NBPF20: variants seen among roughly 807,000 people sequenced by gnomAD.
NBPF20 encodes the protein NBPF family member NBPF20.
A neutral mutation model predicts 68.1 loss-of-function variants in NBPF20; 90 were observed. The ratio of observed to expected loss-of-function variants is 1.32; its 90% CI spans 1.11 to 1.58. NBPF20 has a LOEUF of 1.58. Among genes scored for constraint, NBPF20 ranks in the 40% most tolerant of loss-of-function variants. NBPF20 has a pLI of 0.00. For synonymous variants in NBPF20, 290 were observed against 228.1 expected, an observed-to-expected ratio of 1.27 and a Z score of -2.45; for missense variants, 816 against 601.2, an observed-to-expected ratio of 1.36 and a Z score of -3.74.
chr1:145,419,036 G>A, the NBPF20 span, among the ~76,000 whole-genome samples: 1 of 140,038 alleles, frequency 7.1e-6, no homozygotes, highest in Admixed American at 7.4e-5. Context: ...AAGAAGAAAG[G>A]AAGAAAGGAA....
chr1:145,408,934 T>C (rs1553668354), upstream of NBPF20, among the ~76,000 whole-genome samples: 1 of 150,554 alleles, frequency 6.6e-6, no homozygotes, highest in African/African-American at 2.4e-5. Context: ...ATAATTTCGG[T>C]ACAACAGACT....
intron 7 of NBPF20, among the ~76,000 whole-genome samples, chr1:145,397,082 T>TA (rs1486542655): frequency 2.8e-5 from 4 of 140,406 alleles, no homozygotes; most frequent in African/African-American, 1.1e-4. Flanking sequence ...TCCATGCCCC[T>TA]ACAAAGGACA....
chr1:145,334,921 T>G (rs1442179090), intron 83 of NBPF20, among the ~76,000 whole-genome samples: 3 of 128,590 alleles, frequency 2.3e-5, no homozygotes, highest in African/African-American at 7.8e-5. Context: ...AAGGACACTC[T>G]GAGTTAGTGC....
At chr1:145,407,362 C>CACACGTATATATATATAATATATAT (rs1553667836), upstream of NBPF20, among the ~76,000 whole-genome samples, 1 of 142,602 alleles carries the variant, frequency 7.0e-6, no homozygotes, top group African/African-American at 2.6e-5. Context: ...ACCAACATGG[C>CACACGTATATATATATAATATATAT]ACACGTATAT....
At position 145,310,997 on chromosome 1, in the gene NBPF20, T is replaced by C. The variant is rs1661462406; in HGVS notation, c.13713-167A>G. On this transcript the variant is annotated intron_variant, in intron 113 of 137. Transcript: ENST00000369373. The stretch of plus-strand genomic sequence containing the variant: ...TATGTTGGGATAGACCAGGGCCAGG[T>C]AGAAAAGAATGAAAGAGAAAGACAG... Among the ~76,000 whole-genome samples the C allele has an allele frequency of 6.1e-5, 4 of 66,094 alleles. 1 individual carries two copies. The Admixed American group carries it at 6.7e-4, about 11-fold the overall frequency. The allele number at this position is 66,094 out of a possible 152,430, so 43.4% of individuals were successfully genotyped here.
At chr1:145,419,085 A>G in the NBPF20 span, among the ~76,000 whole-genome samples, 11 of 125,004 alleles carry the variant, frequency 8.8e-5, no homozygotes, top group Non-Finnish European at 1.8e-4. Flanking sequence ...GGGAGGGAGG[A>G]AGGAAGGAAG....
Position 145,402,159 on chromosome 1 carries a change from C to A in NBPF20, c.493+8G>T, listed in dbSNP as rs1662553020. The A allele has an allele frequency of 2.7e-6, 4 of 1,463,866 alleles. No homozygotes were observed. In the Admixed American group the frequency reaches 6.8e-5, roughly 25 times the overall value. The allele number at this position is 1,463,866 out of a possible 1,614,324, so 90.7% of individuals were successfully genotyped here. On this transcript the variant is annotated splice_region_variant and intron_variant, in intron 4 of 137. Transcript: ENST00000369373. ...ATTTTGGGTCATCAGGGCCTATGGC[C>A]ACCTTACCTGGGCTGAGCTTTTGGA... is the stretch of plus-strand genomic sequence containing the variant.
At chr1:145,402,287 C>G (rs1662559142) in exon 4 of NBPF20, 10 of 1,610,358 alleles carry the variant, frequency 6.2e-6, no homozygotes, top group African/African-American at 1.3e-5. Flanking sequence ...TGGAGATGCT[C>G]ATTCAATGAG....
At chr1:145,400,460 T>A in exon 6 of NBPF20, 1 of 1,613,132 alleles carries the variant, frequency 6.2e-7, no homozygotes, top group Non-Finnish European at 8.5e-7. Flanking sequence ...GTCGACTTTG[T>A]CTTCCTCAAA....
intron 2 of NBPF20, among the ~76,000 whole-genome samples, chr1:145,404,306 T>C (rs1662666027): frequency 6.6e-6 from 1 of 152,002 alleles, no homozygotes; most frequent in Admixed American, 6.6e-5. Flanking sequence ...TCACCCATGC[T>C]GGAGTGCAAT....
intron 9 of NBPF20, among the ~76,000 whole-genome samples, 178 bp from the exon 15 acceptor site, chr1:145,393,424 G>A (rs1218419951): frequency 6.7e-6 from 1 of 148,218 alleles, no homozygotes; most frequent in African/African-American, 2.5e-5. Context: ...AGAAAAGGAT[G>A]AAAGAGAGAG....
chr1:145,425,067 C>T, the NBPF20 span, among the ~76,000 whole-genome samples: 3 of 152,224 alleles, frequency 2.0e-5, no homozygotes, highest in African/African-American at 7.2e-5. Context: ...GGACGTGCCC[C>T]CGAAGCTGCT....
rs587608389 is a variant in NBPF20 at position 145,291,650 on chromosome 1, C to A, written c.16817G>T (p.Ser5606Ile). 94 of 1,611,960 alleles carry A rather than the reference C, an allele frequency of 5.8e-5. No homozygotes were observed. In the East Asian group the frequency reaches 1.6e-3, roughly 28 times the overall value. ...CTGTTCCTCAAATGAGTAAAACACA[C>A]TTCTGTAGTGCTGGAATGAGTCAGG... Residue 5606 changes from serine (S) to isoleucine (I), a missense_variant, in exon 138 of 138, where the codon AGT becomes ATT. Ser to Ile is a moderately radical substitution (Grantham distance 142). Transcript: ENST00000369373.
chr1:145,396,798 T>C (rs1662268472), intron 7 of NBPF20, among the ~76,000 whole-genome samples: 1 of 149,222 alleles, frequency 6.7e-6, no homozygotes, highest in South Asian at 2.1e-4. Flanking sequence ...CTTTAAGTCT[T>C]AGGGTACATG....
chr1:145,422,622 A>G, the NBPF20 span, among the ~76,000 whole-genome samples: 1 of 152,014 alleles, frequency 6.6e-6, no homozygotes, highest in Admixed American at 6.6e-5. Flanking sequence ...AAAAAGTGCC[A>G]AACAGTGCAG....
chr1:145,292,312 T>C (rs1403707887), intron 137 of NBPF20, 69 bp downstream of exon 142: 9 of 626,896 alleles, frequency 1.4e-5, no homozygotes, highest in Non-Finnish European at 2.5e-5. Flanking sequence ...AAACACACTC[T>C]GGTTTCCCTG....
chr1:145,394,201 A>T (rs1284846404), intron 8 of NBPF20, among the ~76,000 whole-genome samples: 3 of 151,912 alleles, frequency 2.0e-5, no homozygotes, highest in African/African-American at 7.3e-5. Context: ...CAAATGAGAA[A>T]TTTTTTCCCC....
chr1:145,410,396 G>T (rs1361397838), upstream of NBPF20, among the ~76,000 whole-genome samples: 2 of 148,908 alleles, frequency 1.3e-5, no homozygotes, highest in African/African-American at 4.9e-5. Context: ...CTCACTGCAA[G>T]CTCCGCCTCC....
In NBPF20 at chr1:145,395,142, C is replaced by T. The variant is rs1336437301; in HGVS notation, c.828-1G>A. 6.5e-7 allele frequency: 1 copy of T among 1,527,974 alleles called. No homozygotes were observed. Among genetic ancestry groups the T allele is most frequent in the Non-Finnish European group, 9.0e-7 (1 of 1,105,016 alleles). 94.7% of individuals were successfully genotyped at this position (1,527,974 alleles called of 1,614,324 possible). A position where few individuals can be genotyped will look rare whatever the true frequency, so the allele number is the denominator to read the frequency against. On this transcript the variant is annotated splice_acceptor_variant, in intron 7 of 137. Coordinates refer to ENST00000369373, the Ensembl canonical transcript of NBPF20. LOFTEE classifies it high-confidence loss of function. Reference sequence around the variant, plus strand: ...CTCCTCTTCAGACTCCTGCAGATTCCTGATGAGCCAGGCAGGACAGGGATG... The same window carrying T: ...CTCCTCTTCAGACTCCTGCAGATTCTTGATGAGCCAGGCAGGACAGGGATG...
Sources: allele counts gnomAD v4.1 joint callset (sites outside exome capture counted in the v4.1 genomes callset), GRCh38; gene constraint gnomAD v4.1.1; transcripts MANE v1.5; gene names NCBI Gene and HGNC (gene_info 2026-07-23, HGNC 2026-07-21).